Variants in NRAP observed in about 807,000 individuals in gnomAD.
NRAP encodes nebulin related anchoring protein.
In NRAP, 189 loss-of-function variants were observed where a neutral mutation model predicts 225.9. The ratio of observed to expected loss-of-function variants is 0.84; its 90% confidence interval spans 0.74 to 0.94. NRAP has a LOEUF of 0.94. NRAP is among the 40% of genes least tolerant of loss of function. The pLI, the probability that NRAP is intolerant of heterozygous loss-of-function variation, is 0.00. For missense variants in NRAP, 2,176 were observed against 2,168.7 expected, an observed-to-expected ratio of 1.00 and a Z score of -0.07; for synonymous variants, 769 against 790.7, an observed-to-expected ratio of 0.97 and a Z score of 0.46.
At position 113,646,923 on chromosome 10, in the gene NRAP, G is replaced by A. The variant is rs201308033; in HGVS notation, c.993C>T (p.Asp331=). The part of the protein sequence containing the change: ...NAKKAHELAS[D]IKYRQDFNKM... Reference sequence around the variant, plus strand: ...GTGGTCACACCTACATGGTACTTACGTCACTAGCGAGTTCGTGAGCTTTCT... The same window carrying A: ...GTGGTCACACCTACATGGTACTTACATCACTAGCGAGTTCGTGAGCTTTCT... Residue 331 remains aspartate, a splice_region_variant and synonymous_variant, in exon 10 of 42, where the codon GAC becomes GAT. Coordinates refer to ENST00000359988, the MANE Select transcript of NRAP (RefSeq NM_198060.4). 2.9e-5 allele frequency: 46 copies of A among 1,606,940 alleles called. No individual in the cohort carries two copies. The highest frequency in any genetic ancestry group is 1.5e-4 in the African/African-American group (11 of 74,892).
intron 8 of NRAP, 55 bp downstream of exon 8, chr10:113,650,383 C>T: frequency 7.6e-7 from 1 of 1,308,476 alleles, no homozygotes; most frequent in East Asian, 2.3e-5. Flanking sequence ...CTCCTCAGAC[C>T]CAGGTTCACA....
At chr10:113,608,665 C>T (rs1295370769) in intron 31 of NRAP, among the ~76,000 whole-genome samples, 153 bp from the exon 32 acceptor site, 2 of 152,202 alleles carry the variant, frequency 1.3e-5, no homozygotes, top group Non-Finnish European at 2.9e-5. Context: ...GCCTTTGTGA[C>T]CCCAAAACTC....
In NRAP at chr10:113,623,594, A is replaced by C; in HGVS notation, c.2392T>G (p.Phe798Val). The change falls in exon 23 of 42, where the codon TTT becomes GTT. Residue 798 changes from phenylalanine (F) to valine (V), a missense_variant. This residue lies in a region of NRAP where 1,708 missense variants were observed against 1,695.5 expected (regional missense o/e 1.01). Coordinates refer to ENST00000359988, the MANE Select transcript of NRAP (RefSeq NM_198060.4). ...GTCAAGGAATCAAGACGCAGCTCAA[A>C]CCCTTTTGCTTTCTGGTTTTCCCAG... is the stretch of plus-strand genomic sequence containing the variant. ...SSWENQKAKG[F>V]ELRLDSLTFL... is the part of the protein sequence containing the mutation. 6.2e-7 allele frequency: 1 copy of C among 1,613,926 alleles called. No homozygotes were observed. Among genetic ancestry groups the C allele is most frequent in the Non-Finnish European group, 8.5e-7 (1 of 1,179,906 alleles).
intron 4 of NRAP, 104 bp from the exon 5 acceptor site, chr10:113,654,229 A>G: frequency 7.2e-6 from 5 of 696,356 alleles, no homozygotes; most frequent in Non-Finnish European, 1.0e-5. Flanking sequence ...ATAAACTCCT[A>G]TTGGTAAATC....
intron 3 of NRAP, among the ~76,000 whole-genome samples, chr10:113,660,218 C>T (rs1443396151): frequency 6.6e-6 from 1 of 152,018 alleles, no homozygotes; most frequent in Non-Finnish European, 1.5e-5. Context: ...CATACATATG[C>T]ATAAACACAT....
chr10:113,591,317 A>T (rs11575693), intron 39 of NRAP, among the ~76,000 whole-genome samples: 1,708 of 152,320 alleles, frequency 0.011, 13 homozygotes, highest in Non-Finnish European at 0.019. Flanking sequence ...TGCTCCTCAA[A>T]CCATCTACAG....
chr10:113,595,544 TA>T (rs1426001982), intron 38 of NRAP, 78 bp downstream of exon 38: 2 of 877,100 alleles, frequency 2.3e-6, no homozygotes, highest in East Asian at 2.5e-5. Context: ...CTTTTTTTTT[TA>T]AAAAAACGAA....
rs773149255 is a variant in NRAP, at chr10:113,626,085, T to C, written c.2206A>G (p.Met736Val). ...TCCTGGCTCTTCTTGGCGTGCTCCA[T>C]CTGGGAGCTGTCGGTCACGCTGGTG... ...KFTSVTDSSQ[M>V]EHAKKSQELQ... Residue 736 changes from methionine to valine, a missense_variant, in exon 21 of 42, where the codon ATG (methionine) becomes GTG (valine). Physicochemically the swap from Met to Val is conservative, Grantham distance 21. Coordinates refer to ENST00000359988, the MANE Select transcript of NRAP (RefSeq NM_198060.4). 2.5e-6 allele frequency: 4 copies of C among 1,612,760 alleles called. No homozygotes were observed. The Admixed American group carries it at 6.7e-5, about 27-fold the overall frequency.
Position 113,601,463 on chromosome 10 carries a change from G to A in NRAP, c.4227+3146C>T, listed in dbSNP as rs140202919. The stretch of plus-strand genomic sequence containing the variant: ...CCAGCTGAACATTTCAGGGACTCCT[G>A]TTCACAGCTTCTTCGAATCCAGACT... On this transcript the variant is annotated intron_variant, in intron 35 of 41. Coordinates refer to ENST00000359988, the MANE Select transcript of NRAP (RefSeq NM_198060.4). Among the ~76,000 whole-genome samples the A allele has an allele frequency of 3.2e-3, 490 of 152,346 alleles. 1 individual carries two copies. The highest frequency in any genetic ancestry group is 0.011 in the African/African-American group (472 of 41,580).
intron 22 of NRAP, among the ~76,000 whole-genome samples, chr10:113,623,878 A>G (rs368072595): frequency 2.0e-5 from 3 of 152,178 alleles, no homozygotes; most frequent in African/African-American, 7.2e-5. Flanking sequence ...GCCTTAACAA[A>G]TACTAGGAGT....
At chr10:113,647,592 C>G (rs190763420) in intron 9 of NRAP, among the ~76,000 whole-genome samples, 2 of 139,086 alleles carry the variant, frequency 1.4e-5, no homozygotes, top group African/African-American at 5.2e-5. Context: ...GTACTTCCTC[C>G]CCTAGTGGTA....
At chr10:113,659,172 G>T (rs1276577515) in intron 3 of NRAP, among the ~76,000 whole-genome samples, 1 of 152,068 alleles carries the variant, frequency 6.6e-6, no homozygotes, top group Non-Finnish European at 1.5e-5. Flanking sequence ...CTTAAAGTGG[G>T]CTTTGTTTGT....
Position 113,626,097 on chromosome 10 carries a change from C to G in NRAP, c.2194G>C (p.Asp732His). ...VDELKFTSVT[D>H]SSQMEHAKKS... The stretch of plus-strand genomic sequence containing the variant: ...TTGGCGTGCTCCATCTGGGAGCTGT[C>G]GGTCACGCTGGTGAACTTCAGCTCA... The change falls in exon 21 of 42, where the codon GAC becomes CAC. Residue 732 changes from aspartate (D) to histidine (H), a missense_variant. Transcript: ENST00000359988. The G allele has an allele frequency of 6.2e-7, 1 of 1,612,226 alleles. No homozygotes were observed. The highest frequency in any genetic ancestry group is 1.1e-5 in the South Asian group (1 of 90,328).
intron 7 of NRAP, 80 bp downstream of exon 7, chr10:113,651,723 G>T: frequency 1.3e-6 from 1 of 795,444 alleles, no homozygotes; most frequent in Non-Finnish European, 2.2e-6. Context: ...TATGTTCATT[G>T]CAGCACTATT....
chr10:113,604,590 T>C lies in NRAP; in HGVS notation c.4227+19A>G. On this transcript the variant is annotated intron_variant, in intron 35 of 41. Transcript: ENST00000359988. The stretch of plus-strand genomic sequence containing the variant: ...AGAAAGGCTGGGGGCTGGTTTGCAT[T>C]CCACAAGGCCACCCCTACCTCACTC... 6.2e-7 allele frequency: 1 copy of C among 1,601,122 alleles called. No homozygotes were observed. The highest frequency in any genetic ancestry group is 1.3e-5 in the African/African-American group (1 of 74,808).
intron 32 of NRAP, 92 bp from the exon 33 acceptor site, chr10:113,606,374 C>A: frequency 1.3e-6 from 1 of 753,520 alleles, no homozygotes; most frequent in Admixed American, 2.4e-5. Context: ...GTTGAGGAAA[C>A]ACAATAGCAA....
At position 113,654,121 on chromosome 10, in the gene NRAP, G is replaced by C. The variant is rs1310635171; in HGVS notation, c.365C>G (p.Ala122Gly). Residue 122 changes from alanine to glycine, a missense_variant, in exon 5 of 42, where the codon GCC becomes GGC. Physicochemically the swap from Ala to Gly is moderately conservative, Grantham distance 60. Around this residue, in one of 3 missense-constraint regions of NRAP, gnomAD observed 1,708 missense variants for 1,695.5 expected, o/e 1.01. Coordinates refer to ENST00000359988, the MANE Select transcript of NRAP (RefSeq NM_198060.4). Reference sequence around the variant, plus strand: ...CCCTTCCCCATATCCAGTCCAATAGGCTCTCTACAAAGGAAGCACATGAAG... The same window carrying C: ...CCCTTCCCCATATCCAGTCCAATAGCCTCTCTACAAAGGAAGCACATGAAG... ...PNRQPLANERAYWTGYGEGNA... is the reference protein window; with the variant it reads ...PNRQPLANERGYWTGYGEGNA... 1.9e-6 allele frequency: 3 copies of C among 1,603,160 alleles called. No homozygotes were observed. The highest frequency in any genetic ancestry group is 2.7e-5 in the African/African-American group (2 of 74,586).
Position 113,599,779 on chromosome 10 carries a change from G to A in NRAP, c.4228-1706C>T, listed in dbSNP as rs575768935. 1.9e-4 allele frequency among the ~76,000 whole-genome samples: 29 copies of A among 149,356 alleles called. 1 individual carries two copies. The highest frequency in any genetic ancestry group is 5.7e-4 in the African/African-American group (22 of 38,864). ...GAATCTGCTACCCAAAGATGGTTTC[G>A]AAGAAGGATTATAAGATAATGAGAG... On this transcript the variant is annotated intron_variant, in intron 35 of 41. Transcript: ENST00000359988.
intron 22 of NRAP, 71 bp downstream of exon 22, chr10:113,624,755 G>T: frequency 9.7e-7 from 1 of 1,028,716 alleles, no homozygotes; most frequent in Non-Finnish European, 1.5e-6. Flanking sequence ...CATGGCTGGT[G>T]GGCTTGGTTT....
Sources: gnomAD v4.1 joint callset for allele counts (sites outside exome capture counted in the v4.1 genomes callset) on GRCh38, gnomAD v4.1.1 for gene constraint, gnomAD v4.1.1 regional missense constraint, MANE v1.5 for transcripts, NCBI Gene and HGNC (gene_info 2026-07-23, HGNC 2026-07-21) for gene names.